CUL4A: variants seen among roughly 807,000 people sequenced by gnomAD.
The protein encoded by CUL4A is cullin-4A.
Under a neutral mutation model 95.5 loss-of-function variants are expected in CUL4A, and 16 were observed. That is an observed-to-expected ratio of 0.17 (90% CI 0.11 to 0.25). CUL4A has a LOEUF of 0.25. CUL4A is among the 10% of genes least tolerant of loss of function. The probability of loss-of-function intolerance (pLI) is 1.00; values close to 1 mark genes in which losing one functional copy is unlikely to be tolerated. For synonymous variants in CUL4A, 380 were observed against 353.1 expected, an observed-to-expected ratio of 1.08 and a Z score of -0.85; for missense variants, 610 against 937.0, an observed-to-expected ratio of 0.65 and a Z score of 4.56.
Position 113,236,866 on chromosome 13 carries a change from C to T in CUL4A, c.892C>T (p.His298Tyr). Residue 298 changes from histidine (H) to tyrosine (Y), a missense_variant, in exon 9 of 20, where the codon CAT becomes TAT. Physicochemically the swap from His to Tyr is moderately conservative, Grantham distance 83. Around this residue, in one of 10 missense-constraint regions of CUL4A, gnomAD observed 153 missense variants for 244.5 expected, o/e 0.63. Transcript: ENST00000375440. ...TGTGGAGAAACAGCTATTAGGAGAA[C>T]ATTTAACAGCAATTCTGCAGAAAGG... ...ACVEKQLLGE[H>Y]LTAILQKGLD... The T allele has an allele frequency of 6.2e-7, 1 of 1,611,926 alleles. No individual in the cohort carries two copies.
At position 113,214,646 on chromosome 13, in the gene CUL4A, C is replaced by T. The variant is rs553540931; in HGVS notation, c.265-4299C>T. On this transcript the variant is annotated intron_variant, in intron 2 of 19. Coordinates refer to ENST00000375440, the MANE Select transcript of CUL4A (RefSeq NM_001008895.4). ...GGGATTCCAGGCGTGAGCCATTGCA[C>T]CCGGCTGACATGCAAGTTCTGAGGA... Among the ~76,000 whole-genome samples, 16 of 152,292 alleles carry T rather than the reference C, an allele frequency of 1.1e-4. No individual in the cohort carries two copies. The South Asian group carries it at 3.1e-3, about 30-fold the overall frequency.
In CUL4A at chr13:113,239,499, G is replaced by A. The variant is rs1244851236; in HGVS notation, c.983G>A (p.Arg328Gln). The A allele has an allele frequency of 1.2e-6, 2 of 1,613,810 alleles. No individual in the cohort carries two copies. The highest frequency in any genetic ancestry group is 1.1e-5 in the South Asian group (1 of 90,960). ...DLAQMYQLFS[R>Q]VRGGQQALLQ... is the part of the protein sequence containing the mutation. ...GCACAGATGTACCAGCTGTTCAGCC[G>A]GGTGAGGGGCGGGCAGCAGGCGCTG... The change falls in exon 10 of 20, where the codon CGG becomes CAG. Residue 328 changes from arginine to glutamine, a missense_variant. Arg to Gln is a conservative substitution (Grantham distance 43). Transcript: ENST00000375440.
At chr13:113,227,193 G>A (rs369089306) in intron 3 of CUL4A, among the ~76,000 whole-genome samples, 197 of 152,346 alleles carry the variant, frequency 1.3e-3, no homozygotes, top group African/African-American at 4.5e-3. Flanking sequence ...GTGTATCTTA[G>A]CCCACTGGGG....
At chr13:113,218,102 G>A (rs1222803629) in intron 2 of CUL4A, among the ~76,000 whole-genome samples, 2 of 152,270 alleles carry the variant, frequency 1.3e-5, no homozygotes, top group East Asian at 3.9e-4. Flanking sequence ...CCTGTGCGTG[G>A]TGGCAGGTGC....
chr13:113,242,094 A>C (rs1276798282), intron 10 of CUL4A, among the ~76,000 whole-genome samples: 1 of 152,110 alleles, frequency 6.6e-6, no homozygotes, highest in Non-Finnish European at 1.5e-5. Flanking sequence ...AGGCAGGCAG[A>C]TCATGAAGTC....
intron 4 of CUL4A, among the ~76,000 whole-genome samples, chr13:113,228,716 G>A (rs1312836580): frequency 6.6e-6 from 1 of 151,970 alleles, no homozygotes; most frequent in Non-Finnish European, 1.5e-5. Flanking sequence ...TGCTCGCAAC[G>A]CAGAGTCAGA....
chr13:113,254,594 CA>C (rs34804715), intron 16 of CUL4A, 98 bp from the exon 17 acceptor site: 40,064 of 582,738 alleles, frequency 0.069, no homozygotes, highest in South Asian at 0.095. Flanking sequence ...GACTCCTTCT[CA>C]AAAAAAAAAA....
At chr13:113,241,113 A>G (rs955366221) in intron 10 of CUL4A, among the ~76,000 whole-genome samples, 1 of 152,238 alleles carries the variant, frequency 6.6e-6, no homozygotes. Context: ...GGTCTCGTAC[A>G]ATGATAGAAT....
chr13:113,243,099 G>T lies in CUL4A; in HGVS notation c.1167G>T (p.Leu389=). ...AGAAGAATGAGCGGTTCGTCAACCT[G>T]ATGAAGGAGTCCTTTGAGACGTTCA... is the stretch of plus-strand genomic sequence containing the variant. ...CFQKNERFVN[L]MKESFETFIN... The change falls in exon 11 of 20, where the codon CTG becomes CTT. Residue 389 remains leucine, a synonymous_variant. Transcript: ENST00000375440. 1 of 1,614,206 alleles carries T rather than the reference G, an allele frequency of 6.2e-7. No individual in the cohort carries two copies. The highest frequency in any genetic ancestry group is 8.5e-7 in the Non-Finnish European group (1 of 1,180,032).
Position 113,264,983 on chromosome 13 carries a change from T to A in CUL4A, c.*1401T>A, listed in dbSNP as rs1595444527. The stretch of plus-strand genomic sequence containing the variant: ...CTTATAAGTTCGTTGTGTCTAGAGA[T>A]TGTTAATATTGTAATTTAATGTAGA... On this transcript the variant is annotated 3_prime_UTR_variant, in exon 20 of 20. Coordinates refer to ENST00000375440, the MANE Select transcript of CUL4A (RefSeq NM_001008895.4). 6.6e-6 allele frequency: 1 copy of A among 152,246 alleles called. No homozygotes were observed. Among genetic ancestry groups the A allele is most frequent in the East Asian group, 1.9e-4 (1 of 5,194 alleles). The allele number at this position is 152,246 out of a possible 1,614,324, so 9.4% of individuals were successfully genotyped here. A position where few individuals can be genotyped will look rare whatever the true frequency, so the allele number is the denominator to read the frequency against.
intron 14 of CUL4A, among the ~76,000 whole-genome samples, chr13:113,245,616 G>C (rs2041836287): frequency 1.3e-5 from 2 of 152,214 alleles, no homozygotes; most frequent in South Asian, 4.1e-4. Context: ...TAGATAAATA[G>C]ATAAGGTAGG....
At chr13:113,209,938 C>T (rs574693809) in intron 1 of CUL4A, 35 bp from the exon 2 acceptor site, 11 of 1,440,524 alleles carry the variant, frequency 7.6e-6, no homozygotes, top group South Asian at 1.3e-5. Flanking sequence ...CTTCGCGGCG[C>T]GCCCTGAGCC....
At chr13:113,233,619 G>T (rs544362084) in intron 6 of CUL4A, among the ~76,000 whole-genome samples, 1 of 152,158 alleles carries the variant, frequency 6.6e-6, no homozygotes, top group African/African-American at 2.4e-5. Context: ...CAGAGACAAA[G>T]CCAGATGACA....
chr13:113,235,122 C>T lies in CUL4A; in HGVS notation c.825C>T (p.Ile275=). Residue 275 remains isoleucine (I), a synonymous_variant, in exon 8 of 20, where the codon ATC becomes ATT. Coordinates refer to ENST00000375440, the MANE Select transcript of CUL4A (RefSeq NM_001008895.4). ...TAGAGGAAGAGGGAGACAGAGTAAT[C>T]ACTTACTTGGACCACAGCACACAGT... ...KRLEEEGDRV[I]TYLDHSTQKP... is the part of the protein sequence containing the mutation. The T allele has an allele frequency of 6.2e-7, 1 of 1,613,204 alleles. No homozygotes were observed. The highest frequency in any genetic ancestry group is 8.5e-7 in the Non-Finnish European group (1 of 1,179,176).
chr13:113,251,032 G>C (rs1173518866), intron 15 of CUL4A, among the ~76,000 whole-genome samples: 1 of 152,180 alleles, frequency 6.6e-6, no homozygotes, highest in Non-Finnish European at 1.5e-5. Context: ...AACTAAAAGG[G>C]CACGTCAAGT....
chr13:113,212,681 A>G (rs1376655340), intron 2 of CUL4A, among the ~76,000 whole-genome samples: 3 of 152,170 alleles, frequency 2.0e-5, no homozygotes, highest in Admixed American at 2.0e-4. Flanking sequence ...GCTACTTGGG[A>G]GGCTGAGGCC....
chr13:113,211,373 G>T (rs2040436524), intron 2 of CUL4A, among the ~76,000 whole-genome samples: 1 of 152,178 alleles, frequency 6.6e-6, no homozygotes, highest in African/African-American at 2.4e-5. Flanking sequence ...GGGTGTCCAT[G>T]TTTGGGGTTT....
intron 15 of CUL4A, among the ~76,000 whole-genome samples, chr13:113,252,254 A>C (rs2042013396): frequency 6.6e-6 from 1 of 152,104 alleles, no homozygotes; most frequent in South Asian, 2.1e-4. Flanking sequence ...AAATGTAAGA[A>C]ATTCACTCAA....
intron 18 of CUL4A, among the ~76,000 whole-genome samples, chr13:113,258,925 C>T (rs987546449): frequency 2.0e-5 from 3 of 152,154 alleles, no homozygotes; most frequent in Admixed American, 2.0e-4. Context: ...GAAGATGGCT[C>T]AGATCCATGA....
Sources: gnomAD v4.1 joint callset for allele counts (sites outside exome capture counted in the v4.1 genomes callset) on GRCh38, gnomAD v4.1.1 for gene constraint, gnomAD v4.1.1 regional missense constraint, MANE v1.5 for transcripts, NCBI Gene and HGNC (gene_info 2026-07-23, HGNC 2026-07-21) for gene names.